TLL1: variants seen among roughly 807,000 people sequenced by gnomAD.
TLL1 encodes the protein tolloid-like protein 1.
A neutral mutation model predicts 128.2 loss-of-function variants in TLL1; 49 were observed. The ratio of observed to expected loss-of-function variants is 0.38; its 90% CI spans 0.30 to 0.48. The LOEUF is 0.48. Among genes scored for constraint, TLL1 ranks in the 20% least tolerant of loss-of-function variants. The probability of loss-of-function intolerance (pLI) is 0.96; values close to 1 mark genes in which losing one functional copy is unlikely to be tolerated. For missense variants in TLL1, 1,123 were observed against 1,242.0 expected (o/e 0.90, Z 1.44); for synonymous variants, 454 against 418.8 (o/e 1.08, Z -1.03).
Position 166,049,611 on chromosome 4 carries a change from C to A in TLL1, c.1525-5465C>A, listed in dbSNP as rs530931578. Among the ~76,000 whole-genome samples the A allele has an allele frequency of 9.4e-5, 14 of 148,738 alleles. No homozygotes were observed. The South Asian group carries it at 3.0e-3, about 32-fold the overall frequency. On this transcript the variant is annotated intron_variant, in intron 12 of 20. Coordinates refer to ENST00000061240, the MANE Select transcript of TLL1 (RefSeq NM_012464.5). ...GCAAGACCTATGATGTTGCTTTTAACATGTTTGAACTTTTTTTTGAGCTGT... is the reference window on the plus strand; with the variant it reads ...GCAAGACCTATGATGTTGCTTTTAAAATGTTTGAACTTTTTTTTGAGCTGT...
At chr4:165,948,395 G>A (rs1055926332) in intron 1 of TLL1, among the ~76,000 whole-genome samples, 1 of 152,020 alleles carries the variant, frequency 6.6e-6, no homozygotes, top group Non-Finnish European at 1.5e-5. Context: ...AGATTCTTAC[G>A]CTTTGAGTTG....
chr4:165,957,399 G>A (rs1232321854), intron 1 of TLL1, among the ~76,000 whole-genome samples: 1 of 151,938 alleles, frequency 6.6e-6, no homozygotes, highest in Non-Finnish European at 1.5e-5. Flanking sequence ...CAATAATAGT[G>A]GGGGAACTTC....
intron 1 of TLL1, among the ~76,000 whole-genome samples, chr4:165,956,499 C>T (rs931705414): frequency 6.6e-6 from 1 of 151,658 alleles, no homozygotes; most frequent in African/African-American, 2.4e-5. Flanking sequence ...CTCCTACTTG[C>T]ACGTCCATTT....
chr4:166,027,043 G>A (rs914693062), intron 9 of TLL1, among the ~76,000 whole-genome samples: 2 of 152,174 alleles, frequency 1.3e-5, no homozygotes, highest in African/African-American at 2.4e-5. Flanking sequence ...ATACACCATG[G>A]AATATTATGC....
intron 1 of TLL1, among the ~76,000 whole-genome samples, chr4:165,985,380 T>C (rs1275368255): frequency 6.6e-6 from 1 of 152,054 alleles, no homozygotes; most frequent in Non-Finnish European, 1.5e-5. Flanking sequence ...GTATTCATTT[T>C]CTTGAGGATA....
intron 1 of TLL1, among the ~76,000 whole-genome samples, chr4:165,932,743 T>C (rs1042707955): frequency 1.3e-5 from 2 of 152,186 alleles, no homozygotes; most frequent in Non-Finnish European, 2.9e-5. Flanking sequence ...GTCAGTTGCA[T>C]TCCTTGTTTG....
At chr4:165,876,771 G>C (rs1170424244) in intron 1 of TLL1, among the ~76,000 whole-genome samples, 1 of 152,210 alleles carries the variant, frequency 6.6e-6, no homozygotes, top group African/African-American at 2.4e-5. Context: ...TGCATTCTTA[G>C]TTGGCCTTTT....
At chr4:166,096,306 T>G (rs1742017372) in intron 19 of TLL1, among the ~76,000 whole-genome samples, 1 of 151,652 alleles carries the variant, frequency 6.6e-6, no homozygotes, top group Non-Finnish European at 1.5e-5. Context: ...AATGAGGGTG[T>G]GCACTGCAAC....
chr4:165,982,831 A>C (rs1579580295), intron 1 of TLL1, among the ~76,000 whole-genome samples: 1 of 151,870 alleles, frequency 6.6e-6, no homozygotes, highest in East Asian at 1.9e-4. Flanking sequence ...TTAGAAAATA[A>C]GGAAACTTAA....
chr4:166,011,899 T>C (rs184383806), intron 7 of TLL1, among the ~76,000 whole-genome samples: 120 of 151,688 alleles, frequency 7.9e-4, no homozygotes, highest in Non-Finnish European at 6.1e-4. Context: ...CATATGGTTT[T>C]TGTTCTTTAT....
intron 1 of TLL1, among the ~76,000 whole-genome samples, chr4:165,875,657 A>G (rs1730692490): frequency 6.6e-6 from 1 of 151,808 alleles, no homozygotes; most frequent in Non-Finnish European, 1.5e-5. Context: ...GTTCTCTGCA[A>G]CTCCTTAAAT....
At chr4:165,938,236 T>C (rs954595675) in intron 1 of TLL1, among the ~76,000 whole-genome samples, 1 of 152,092 alleles carries the variant, frequency 6.6e-6, no homozygotes, top group African/African-American at 2.4e-5. Flanking sequence ...TTTTAGTGTC[T>C]TATGTAAAAC....
At chr4:165,912,145 T>A (rs897843177) in intron 1 of TLL1, among the ~76,000 whole-genome samples, 1 of 152,208 alleles carries the variant, frequency 6.6e-6, no homozygotes, top group African/African-American at 2.4e-5. Context: ...AAAGTAATGG[T>A]GTTCTTAAAC....
At chr4:165,952,031 G>A (rs957040527) in intron 1 of TLL1, among the ~76,000 whole-genome samples, 1 of 152,012 alleles carries the variant, frequency 6.6e-6, no homozygotes, top group Non-Finnish European at 1.5e-5. Flanking sequence ...GTTTTATGTT[G>A]AGGTAGCTCT....
intron 1 of TLL1, among the ~76,000 whole-genome samples, chr4:165,909,240 G>A (rs1207162539): frequency 6.6e-6 from 1 of 152,080 alleles, no homozygotes; most frequent in African/African-American, 2.4e-5. Context: ...TTGAGCAACT[G>A]GAAGTATAAA....
At chr4:166,002,318 C>A (rs1339389710) in intron 5 of TLL1, among the ~76,000 whole-genome samples, 2 of 152,118 alleles carry the variant, frequency 1.3e-5, no homozygotes, top group Non-Finnish European at 2.9e-5. Flanking sequence ...AATACTATCA[C>A]CATGAAGATC....
At chr4:165,910,360 T>C (rs919361399) in intron 1 of TLL1, among the ~76,000 whole-genome samples, 4 of 152,212 alleles carry the variant, frequency 2.6e-5, no homozygotes, top group Non-Finnish European at 5.9e-5. Context: ...AATGTGTATG[T>C]GCTACATTTT....
intron 8 of TLL1, among the ~76,000 whole-genome samples, chr4:166,017,221 C>T (rs368159325): frequency 2.9e-4 from 44 of 152,122 alleles, no homozygotes; most frequent in African/African-American, 6.3e-4. Context: ...TAATTCACTT[C>T]GGATTATGGC....
chr4:166,058,205 T>G (rs908060140), intron 14 of TLL1, among the ~76,000 whole-genome samples: 1 of 152,168 alleles, frequency 6.6e-6, no homozygotes, highest in Non-Finnish European at 1.5e-5. Context: ...CTAGATCTAT[T>G]TCTGTCTCTA....
Sources: allele counts gnomAD v4.1 joint callset (sites outside exome capture counted in the v4.1 genomes callset), GRCh38; gene constraint gnomAD v4.1.1; transcripts MANE v1.5; gene names NCBI Gene and HGNC (gene_info 2026-07-23, HGNC 2026-07-21).